The following FSTL4 variants were observed in gnomAD, a reference collection of about 807,000 sequenced individuals.
FSTL4 encodes follistatin-related protein 4.
FSTL4 carries 28 observed loss-of-function variants against 78.2 expected under a neutral mutation model. That is an observed-to-expected ratio of 0.36 (90% CI 0.27 to 0.49). The LOEUF is 0.49. Among genes scored for constraint, FSTL4 ranks in the 20% least tolerant of loss-of-function variants. The pLI is 0.98. For missense variants in FSTL4, 922 were observed against 1,084.9 expected, an observed-to-expected ratio of 0.85 and a Z score of 2.11; for synonymous variants, 422 against 440.5, an observed-to-expected ratio of 0.96 and a Z score of 0.53.
At chr5:133,629,249 G>A in the FSTL4 span, among the ~76,000 whole-genome samples, 2 of 151,960 alleles carry the variant, frequency 1.3e-5, no homozygotes, top group Admixed American at 6.6e-5. Flanking sequence ...TTTGTCATTG[G>A]TTCTGTTCAT....
At chr5:133,701,509 A>ACACACACACACACCCCCC in the FSTL4 span, among the ~76,000 whole-genome samples, 1 of 132,624 alleles carries the variant, frequency 7.5e-6, no homozygotes, top group East Asian at 2.2e-4. Flanking sequence ...ACACACACAC[A>ACACACACACACACCCCCC]CCCCACAGGC....
chr5:133,301,514 G>T (rs548515092), intron 6 of FSTL4, among the ~76,000 whole-genome samples: 9 of 152,310 alleles, frequency 5.9e-5, no homozygotes, highest in African/African-American at 2.2e-4. Flanking sequence ...ACGCCACCCA[G>T]ATGGAGAATG....
intron 13 of FSTL4, among the ~76,000 whole-genome samples, chr5:133,215,345 G>T (rs548327222): frequency 1.3e-5 from 2 of 152,172 alleles, no homozygotes; most frequent in South Asian, 4.2e-4. Context: ...CCAGTTTCCT[G>T]GATTAATACA....
At chr5:133,614,406 G>A (rs1171571945), upstream of FSTL4, among the ~76,000 whole-genome samples, 2 of 152,178 alleles carry the variant, frequency 1.3e-5, no homozygotes, top group Non-Finnish European at 2.9e-5. Context: ...CCAGATGTAT[G>A]GAATATTCCT....
At chr5:133,615,562 G>A (rs528864856), upstream of FSTL4, among the ~76,000 whole-genome samples, 2 of 152,240 alleles carry the variant, frequency 1.3e-5, no homozygotes, top group Non-Finnish European at 2.9e-5. Context: ...AGTTCTAAAG[G>A]TCTATGCCTT....
chr5:133,677,072 C>T, the FSTL4 span, among the ~76,000 whole-genome samples: 1 of 152,220 alleles, frequency 6.6e-6, no homozygotes, highest in Admixed American at 6.5e-5. Context: ...CATTCGTGCT[C>T]ACACAAATTT....
intron 3 of FSTL4, among the ~76,000 whole-genome samples, chr5:133,500,887 A>G (rs58425008): frequency 0.021 from 3,218 of 152,164 alleles, 121 homozygotes; most frequent in African/African-American, 0.074. Context: ...GTGGGAAGCC[A>G]TTCAGTTTTC....
chr5:133,729,772 G>A, the FSTL4 span, among the ~76,000 whole-genome samples: 1 of 152,082 alleles, frequency 6.6e-6, no homozygotes, highest in Non-Finnish European at 1.5e-5. Flanking sequence ...GATTCAGAAG[G>A]CAAGGAGATA....
At chr5:133,251,709 C>T (rs572252270) in intron 6 of FSTL4, among the ~76,000 whole-genome samples, 1 of 152,310 alleles carries the variant, frequency 6.6e-6, no homozygotes, top group East Asian at 1.9e-4. Context: ...TCCATCCACT[C>T]AGTGATGGAC....
At chr5:133,665,134 C>A in the FSTL4 span, among the ~76,000 whole-genome samples, 1 of 152,174 alleles carries the variant, frequency 6.6e-6, no homozygotes, top group African/African-American at 2.4e-5. Flanking sequence ...CAAACCACAC[C>A]AACGACTAAG....
intron 3 of FSTL4, among the ~76,000 whole-genome samples, chr5:133,493,354 T>C (rs865872321): frequency 3.9e-5 from 6 of 152,212 alleles, no homozygotes; most frequent in Non-Finnish European, 7.4e-5. Flanking sequence ...CTAGGAGCTC[T>C]AGTGGTTTTA....
chr5:133,754,153 A>T, the FSTL4 span, among the ~76,000 whole-genome samples: 4 of 152,226 alleles, frequency 2.6e-5, no homozygotes, highest in African/African-American at 9.6e-5. Flanking sequence ...TTACAATTCA[A>T]TCATCCAACT....
chr5:133,435,794 T>A (rs1403380946), intron 3 of FSTL4, among the ~76,000 whole-genome samples: 2 of 152,206 alleles, frequency 1.3e-5, no homozygotes, highest in African/African-American at 4.8e-5. Context: ...GACCACAGCA[T>A]CTTCTTCATG....
chr5:133,328,837 CCAAGA>C (rs1228468869), intron 4 of FSTL4, among the ~76,000 whole-genome samples: 2 of 152,164 alleles, frequency 1.3e-5, no homozygotes, highest in Non-Finnish European at 2.9e-5. Flanking sequence ...AATTTTGTTT[CCAAGA>C]CTTCCTTGGG....
chr5:133,685,735 G>T, the FSTL4 span, among the ~76,000 whole-genome samples: 1 of 152,222 alleles, frequency 6.6e-6, no homozygotes, highest in Non-Finnish European at 1.5e-5. Flanking sequence ...GAGGGTATGG[G>T]CTTATGGCCA....
chr5:133,798,946 AAGGAAGGGAGGGAGGGAGGG>A, the FSTL4 span, among the ~76,000 whole-genome samples: 18 of 114,074 alleles, frequency 1.6e-4, no homozygotes, highest in East Asian at 3.8e-3. Context: ...AGGAGAGGAT[AAGGAAGGGAGGGAGGGAGGG>A]AGGAAGGGAG....
chr5:133,606,082 G>A (rs997557496), intron 1 of FSTL4, among the ~76,000 whole-genome samples: 18 of 152,064 alleles, frequency 1.2e-4, no homozygotes, highest in Admixed American at 9.2e-4. Context: ...AATCATATTC[G>A]GGACTAAGAA....
At chr5:133,238,717 C>A (rs112714427) in intron 7 of FSTL4, among the ~76,000 whole-genome samples, 14 of 152,374 alleles carry the variant, frequency 9.2e-5, no homozygotes, top group African/African-American at 2.9e-4. Flanking sequence ...CGCATGAGTG[C>A]ACACACGTAC....
At chr5:133,630,035 A>G in the FSTL4 span, among the ~76,000 whole-genome samples, 160 of 152,374 alleles carry the variant, frequency 1.1e-3, no homozygotes, top group Middle Eastern at 0.017. Context: ...CCCACAGCCA[A>G]TATCATAGTG....
Sources: gnomAD v4.1 joint callset for allele counts (sites outside exome capture counted in the v4.1 genomes callset) on GRCh38, gnomAD v4.1.1 for gene constraint, MANE v1.5 for transcripts, NCBI Gene and HGNC (gene_info 2026-07-23, HGNC 2026-07-21) for gene names.